CSMD3: variants seen among roughly 807,000 people sequenced by gnomAD.
The protein encoded by CSMD3 is CUB and sushi domain-containing protein 3.
CSMD3 carries 177 observed loss-of-function variants against 435.2 expected under a neutral mutation model. That is an observed-to-expected ratio of 0.41 (90% CI 0.36 to 0.46). CSMD3 has a LOEUF of 0.46. CSMD3 is among the 20% of genes least tolerant of loss of function. The pLI, the probability that CSMD3 is intolerant of heterozygous loss-of-function variation, is 0.34. For synonymous variants in CSMD3, 1,656 were observed against 1,520.5 expected (o/e 1.09, Z -2.07); for missense variants, 4,265 against 4,504.6 (o/e 0.95, Z 1.52).
chr8:112,730,350 T>C (rs1167750531), intron 13 of CSMD3, among the ~76,000 whole-genome samples: 2 of 152,014 alleles, frequency 1.3e-5, no homozygotes, highest in African/African-American at 2.4e-5. Context: ...TCACAAGAAA[T>C]AGAATTACTG....
chr8:112,527,055 T>G (rs1467268615), intron 27 of CSMD3, among the ~76,000 whole-genome samples: 2 of 151,312 alleles, frequency 1.3e-5, no homozygotes, highest in Non-Finnish European at 3.0e-5. Context: ...AATTAACAGG[T>G]GGATTCAATA....
At chr8:112,796,945 A>G (rs2078843896) in intron 13 of CSMD3, among the ~76,000 whole-genome samples, 1 of 152,020 alleles carries the variant, frequency 6.6e-6, no homozygotes, top group South Asian at 2.1e-4. Flanking sequence ...GCACACTGTC[A>G]TGAACAGAAA....
intron 10 of CSMD3, among the ~76,000 whole-genome samples, chr8:112,905,306 G>GTA (rs543479550): frequency 0.047 from 6,114 of 129,772 alleles, 156 homozygotes; most frequent in Middle Eastern, 0.071. Context: ...TATACTATGT[G>GTA]TATATATATA....
chr8:113,186,876 C>T (rs988343176), intron 3 of CSMD3, among the ~76,000 whole-genome samples: 3 of 151,802 alleles, frequency 2.0e-5, no homozygotes, highest in South Asian at 2.1e-4. Context: ...GCCATGAGTC[C>T]GAGTAAACAC....
intron 53 of CSMD3, among the ~76,000 whole-genome samples, chr8:112,300,509 T>C (rs922779965): frequency 3.9e-5 from 6 of 152,030 alleles, no homozygotes; most frequent in African/African-American, 1.4e-4. Context: ...ATCATTGAAG[T>C]GGCCTCATCC....
chr8:112,921,566 A>T (rs2082744725), intron 10 of CSMD3, 61 bp downstream of exon 10: 1 of 1,321,038 alleles, frequency 7.6e-7, no homozygotes, highest in Non-Finnish European at 1.1e-6. Flanking sequence ...CAACTTAATT[A>T]CAATGAAATA....
At chr8:112,649,975 AG>A (rs1271658296) in intron 19 of CSMD3, among the ~76,000 whole-genome samples, 185 bp downstream of exon 19, 4 of 152,152 alleles carry the variant, frequency 2.6e-5, no homozygotes, top group Non-Finnish European at 4.4e-5. Context: ...TTAGGCATGG[AG>A]TAAGTTTGGC....
intron 1 of CSMD3, among the ~76,000 whole-genome samples, chr8:113,389,462 G>A (rs1016071653): frequency 1.3e-5 from 2 of 151,152 alleles, no homozygotes; most frequent in Non-Finnish European, 3.0e-5. Flanking sequence ...TACAAAAAAA[G>A]TGGCTAATGT....
chr8:112,422,862 A>G (rs1275525688), intron 32 of CSMD3, among the ~76,000 whole-genome samples: 1 of 152,230 alleles, frequency 6.6e-6, no homozygotes, highest in Non-Finnish European at 1.5e-5. Flanking sequence ...ATAGAAACAA[A>G]TAAGAAAACT....
chr8:113,327,106 A>G (rs1181714169), intron 1 of CSMD3, among the ~76,000 whole-genome samples: 1 of 152,216 alleles, frequency 6.6e-6, no homozygotes, highest in African/African-American at 2.4e-5. Flanking sequence ...ACTGACTTTT[A>G]AAAACTAAAG....
intron 30 of CSMD3, among the ~76,000 whole-genome samples, chr8:112,501,555 G>T (rs1182441525): frequency 6.6e-6 from 1 of 152,174 alleles, no homozygotes; most frequent in Non-Finnish European, 1.5e-5. Flanking sequence ...TTTAAAAACT[G>T]GAATTTCTGA....
At chr8:113,262,265 T>C (rs1004351614) in intron 3 of CSMD3, among the ~76,000 whole-genome samples, 2 of 152,080 alleles carry the variant, frequency 1.3e-5, no homozygotes, top group African/African-American at 4.8e-5. Flanking sequence ...AGGAAAAATA[T>C]GAAGAATACA....
At chr8:112,253,987 T>C (rs1002866677) in intron 63 of CSMD3, among the ~76,000 whole-genome samples, 2 of 152,042 alleles carry the variant, frequency 1.3e-5, no homozygotes, top group East Asian at 3.9e-4. Flanking sequence ...AACTCTCTAA[T>C]GCTTATGGAT....
At chr8:112,615,134 C>T (rs373447102) in intron 22 of CSMD3, among the ~76,000 whole-genome samples, 9 of 152,044 alleles carry the variant, frequency 5.9e-5, no homozygotes, top group South Asian at 2.1e-4. Flanking sequence ...GTCTGTATTT[C>T]GTGAACAAAT....
chr8:113,142,969 A>T (rs948832949), intron 4 of CSMD3, among the ~76,000 whole-genome samples: 90 of 150,956 alleles, frequency 6.0e-4, no homozygotes, highest in South Asian at 8.3e-4. Flanking sequence ...TTTTATTTTT[A>T]AAAAAATCTT....
At chr8:112,300,233 T>C (rs939055755) in intron 53 of CSMD3, among the ~76,000 whole-genome samples, 26 of 147,224 alleles carry the variant, frequency 1.8e-4, no homozygotes, top group African/African-American at 6.4e-4. Context: ...TATTTAAAGA[T>C]ACATGTAATA....
chr8:113,046,490 A>C (rs1209150489), intron 5 of CSMD3, among the ~76,000 whole-genome samples: 1 of 127,594 alleles, frequency 7.8e-6, no homozygotes, highest in Non-Finnish European at 1.9e-5. Flanking sequence ...AGAGGAACGC[A>C]AAACTCCCTC....
chr8:112,875,951 T>C (rs750262167), intron 10 of CSMD3, among the ~76,000 whole-genome samples: 14 of 152,196 alleles, frequency 9.2e-5, no homozygotes, highest in Admixed American at 2.0e-4. Flanking sequence ...TATCCAGTTT[T>C]GTTCCCTTGC....
intron 6 of CSMD3, among the ~76,000 whole-genome samples, chr8:112,998,231 C>T (rs988901363): frequency 4.0e-5 from 6 of 151,712 alleles, no homozygotes; most frequent in Non-Finnish European, 8.8e-5. Context: ...CATTTATTTT[C>T]CTTTTCCTTC....
Sources: gnomAD v4.1 joint callset for allele counts (sites outside exome capture counted in the v4.1 genomes callset) on GRCh38, gnomAD v4.1.1 for gene constraint, MANE v1.5 for transcripts, NCBI Gene and HGNC (gene_info 2026-07-23, HGNC 2026-07-21) for gene names.